Variants in PLCB1 observed in about 807,000 individuals in gnomAD.
The protein encoded by PLCB1 is 1-phosphatidylinositol 4,5-bisphosphate phosphodiesterase beta-1.
PLCB1 carries 46 observed loss-of-function variants against 161.8 expected under a neutral mutation model. The ratio of observed to expected loss-of-function variants is 0.28; its 90% CI spans 0.22 to 0.36. PLCB1 has a LOEUF of 0.36. PLCB1 is among the 10% of genes least tolerant of loss of function. The pLI is 1.00. For missense variants in PLCB1, 1,016 were observed against 1,472.5 expected (o/e 0.69, Z 5.07); for synonymous variants, 517 against 503.7 (o/e 1.03, Z -0.35).
chr20:8,704,117 G>T (rs1377095015), intron 11 of PLCB1, among the ~76,000 whole-genome samples: 4 of 152,178 alleles, frequency 2.6e-5, no homozygotes, highest in African/African-American at 7.2e-5. Flanking sequence ...ACTTTGGGAG[G>T]CTGAAGCAGG....
intron 3 of PLCB1, among the ~76,000 whole-genome samples, chr20:8,511,805 A>T (rs967746537): frequency 2.0e-5 from 3 of 152,130 alleles, no homozygotes; most frequent in African/African-American, 7.2e-5. Flanking sequence ...AAACTGGTTG[A>T]CCATTTGTAT....
intron 31 of PLCB1, among the ~76,000 whole-genome samples, chr20:8,792,292 A>G (rs1983796252): frequency 6.6e-6 from 1 of 152,190 alleles, no homozygotes; most frequent in South Asian, 2.1e-4. Flanking sequence ...AATCATGGGC[A>G]GTAGGGTATC....
chr20:8,445,747 T>C (rs981729855), intron 3 of PLCB1, among the ~76,000 whole-genome samples: 1 of 151,970 alleles, frequency 6.6e-6, no homozygotes, highest in Non-Finnish European at 1.5e-5. Flanking sequence ...TAGTTCTCCT[T>C]GAAGAGGTCC....
chr20:8,648,186 G>T (rs1989217862), intron 6 of PLCB1, among the ~76,000 whole-genome samples: 1 of 152,182 alleles, frequency 6.6e-6, no homozygotes, highest in African/African-American at 2.4e-5. Flanking sequence ...AGCAGGAAGT[G>T]GGTGGAGGAA....
intron 2 of PLCB1, among the ~76,000 whole-genome samples, chr20:8,284,659 C>T (rs1201865934): frequency 1.3e-5 from 2 of 152,072 alleles, no homozygotes; most frequent in African/African-American, 2.4e-5. Context: ...CTTGAAATTG[C>T]CCCCCAAAAT....
At chr20:8,252,086 G>A (rs545351256) in intron 2 of PLCB1, among the ~76,000 whole-genome samples, 1 of 152,016 alleles carries the variant, frequency 6.6e-6, no homozygotes, top group African/African-American at 2.4e-5. Flanking sequence ...GAGTGATGGG[G>A]GAGTGAGGTT....
In PLCB1 at chr20:8,375,943, C is replaced by CAAAAAAAAAA. The variant is rs34790517; in HGVS notation, c.246+4505_246+4514dup. 4.3e-5 allele frequency among the ~76,000 whole-genome samples: 4 copies of CAAAAAAAAAA among 93,048 alleles called. 1 individual carries two copies. Among genetic ancestry groups the CAAAAAAAAAA allele is most frequent in the Admixed American group, 1.2e-4 (1 of 8,368 alleles). The allele number at this position is 93,048 out of a possible 152,430, so 61.0% of individuals were successfully genotyped here. On this transcript the variant is annotated intron_variant, in intron 3 of 31. Transcript: ENST00000338037. ...CCTTCATCATGCAAACCAAGTGAAC[C>CAAAAAAAAAA]AAAAAAAAAAAAAAAAAAAAAGGTC...
chr20:8,557,876 G>T (rs888842805), intron 3 of PLCB1, among the ~76,000 whole-genome samples: 1 of 151,764 alleles, frequency 6.6e-6, no homozygotes, highest in African/African-American at 2.4e-5. Flanking sequence ...AAAAAATTAT[G>T]AGTCATGAGA....
At chr20:8,643,633 A>G (rs1304248171) in intron 4 of PLCB1, among the ~76,000 whole-genome samples, 1 of 151,626 alleles carries the variant, frequency 6.6e-6, no homozygotes, top group Non-Finnish European at 1.5e-5. Flanking sequence ...AAACTAAAAG[A>G]CATTATTTCA....
At chr20:8,372,447 T>G (rs975681125) in intron 3 of PLCB1, among the ~76,000 whole-genome samples, 1 of 152,108 alleles carries the variant, frequency 6.6e-6, no homozygotes, top group Non-Finnish European at 1.5e-5. Context: ...GGCTGCTGGG[T>G]TTTTTAATTT....
chr20:8,654,469 C>T (rs1473683737), intron 7 of PLCB1, among the ~76,000 whole-genome samples: 1 of 151,988 alleles, frequency 6.6e-6, no homozygotes, highest in Non-Finnish European at 1.5e-5. Flanking sequence ...CTATTATATA[C>T]CAGGCACCAT....
At position 8,668,532 on chromosome 20, in the gene PLCB1, A is replaced by G. The variant is rs887162312; in HGVS notation, c.862+9828A>G. 1.8e-4 allele frequency among the ~76,000 whole-genome samples: 27 copies of G among 152,220 alleles called. 1 individual carries two copies. Among genetic ancestry groups the G allele is most frequent in the Non-Finnish European group, 1.2e-4 (8 of 68,032 alleles). The stretch of plus-strand genomic sequence containing the variant: ...TTGTTGAGGGTTTTCCCAGAAGCCA[A>G]CTTTGAAAGAAGATTCAAGTCCATA... On this transcript the variant is annotated intron_variant, in intron 9 of 31. Transcript: ENST00000338037.
At chr20:8,466,439 A>G (rs866725211) in intron 3 of PLCB1, among the ~76,000 whole-genome samples, 6 of 151,980 alleles carry the variant, frequency 3.9e-5, no homozygotes, top group Admixed American at 6.6e-5. Context: ...TAACCTGCAC[A>G]TTGTGCACAT....
At chr20:8,786,578 G>A (rs1004836317) in intron 27 of PLCB1, among the ~76,000 whole-genome samples, 1 of 152,098 alleles carries the variant, frequency 6.6e-6, no homozygotes, top group African/African-American at 2.4e-5. Context: ...TTGGGGCCCT[G>A]AGCCCAGGAC....
chr20:8,798,763 A>C lies in PLCB1; in HGVS notation c.3423+8502A>C, dbSNP rs540884725. On this transcript the variant is annotated intron_variant, in intron 31 of 31. Transcript: ENST00000338037. The stretch of plus-strand genomic sequence containing the variant: ...CTCCCCCATCAGCCCTCCAATTCTC[A>C]GAAGAATCTCCATGGAACCCACAAT... 3.9e-5 allele frequency among the ~76,000 whole-genome samples: 6 copies of C among 152,328 alleles called. No individual in the cohort carries two copies. In the East Asian group the frequency reaches 1.2e-3, roughly 29 times the overall value.
At chr20:8,351,626 C>A (rs1202726552) in intron 2 of PLCB1, among the ~76,000 whole-genome samples, 1 of 151,840 alleles carries the variant, frequency 6.6e-6, no homozygotes, top group East Asian at 1.9e-4. Context: ...TATAGAGAAC[C>A]CTTAAAACCC....
At chr20:8,350,951 G>A (rs1004932578) in intron 2 of PLCB1, among the ~76,000 whole-genome samples, 3 of 152,220 alleles carry the variant, frequency 2.0e-5, no homozygotes, top group Non-Finnish European at 4.4e-5. Context: ...CGGATTCAAT[G>A]TAATCCCAGT....
intron 1 of PLCB1, among the ~76,000 whole-genome samples, chr20:8,149,383 ATCAT>A (rs1290392339): frequency 6.6e-6 from 1 of 152,198 alleles, no homozygotes; most frequent in Non-Finnish European, 1.5e-5. Context: ...GTAGATTAAA[ATCAT>A]TCATACTGCT....
At chr20:8,628,648 C>T (rs1451720892) in intron 4 of PLCB1, 3 of 516,190 alleles carry the variant, frequency 5.8e-6, no homozygotes, top group African/African-American at 1.9e-5. Flanking sequence ...AAGAATAAGC[C>T]ATTTGGCCGG....
Sources: gnomAD v4.1 joint callset for allele counts (sites outside exome capture counted in the v4.1 genomes callset) on GRCh38, gnomAD v4.1.1 for gene constraint, MANE v1.5 for transcripts, NCBI Gene and HGNC (gene_info 2026-07-23, HGNC 2026-07-21) for gene names.